Variants in FHIT observed in about 807,000 individuals in gnomAD.
FHIT encodes the protein bis(5'-adenosyl)-triphosphatase.
FHIT carries 19 observed loss-of-function variants against 17.9 expected under a neutral mutation model. The ratio of observed to expected loss-of-function variants is 1.06; its 90% CI spans 0.74 to 1.56. The LOEUF (loss-of-function observed/expected upper bound fraction) is 1.56, where lower values mean the gene tolerates loss of function less well. Among genes scored for constraint, FHIT ranks in the 40% most tolerant of loss-of-function variants. FHIT has a pLI of 0.00. For missense variants in FHIT, 248 were observed against 189.2 expected (o/e 1.31, Z -1.82); for synonymous variants, 81 against 69.7 (o/e 1.16, Z -0.81).
chr3:60,102,184 C>G (rs1233950145), intron 5 of FHIT, among the ~76,000 whole-genome samples: 2 of 152,202 alleles, frequency 1.3e-5, no homozygotes, highest in African/African-American at 4.8e-5. Context: ...GTGAGTTTAA[C>G]TAAATTATAA....
chr3:59,804,685 G>A (rs1372172222), intron 8 of FHIT, among the ~76,000 whole-genome samples: 3 of 152,150 alleles, frequency 2.0e-5, no homozygotes, highest in African/African-American at 7.2e-5. Flanking sequence ...CTATGGAGAG[G>A]ATAGCCCCTG....
At chr3:60,166,322 A>G (rs1195875275) in intron 5 of FHIT, among the ~76,000 whole-genome samples, 4 of 152,292 alleles carry the variant, frequency 2.6e-5, no homozygotes, top group South Asian at 2.1e-4. Context: ...ATTATGGGCC[A>G]ACTATTCCTA....
At chr3:60,789,175 T>TATAGAGAG (rs1433649739) in intron 4 of FHIT, among the ~76,000 whole-genome samples, 51 of 102,684 alleles carry the variant, frequency 5.0e-4, no homozygotes, top group African/African-American at 1.7e-3. Flanking sequence ...TATATATATA[T>TATAGAGAG]AGAGAGAGAG....
intron 2 of FHIT, among the ~76,000 whole-genome samples, chr3:61,113,045 C>A (rs1307040635): frequency 1.3e-5 from 2 of 152,004 alleles, no homozygotes; most frequent in Non-Finnish European, 2.9e-5. Context: ...TCTCTCTTAT[C>A]TGGGCTGGAG....
intron 2 of FHIT, among the ~76,000 whole-genome samples, chr3:61,177,605 T>A (rs1481858240): frequency 6.6e-6 from 1 of 152,220 alleles, no homozygotes; most frequent in Admixed American, 6.5e-5. Flanking sequence ...AACTTTCAGA[T>A]GAATGGGACA....
chr3:59,975,056 T>A (rs1363452968), intron 7 of FHIT, among the ~76,000 whole-genome samples: 2 of 151,950 alleles, frequency 1.3e-5, no homozygotes, highest in Non-Finnish European at 2.9e-5. Context: ...TGGGCCCTCA[T>A]TCCCCTCAAC....
Position 59,857,002 on chromosome 3 carries a change from A to G in FHIT, c.348+65344T>C, listed in dbSNP as rs1702185969. Among the ~76,000 whole-genome samples the G allele has an allele frequency of 1.3e-5, 2 of 152,220 alleles. 1 individual carries two copies. Among genetic ancestry groups the G allele is most frequent in the South Asian group, 4.1e-4 (2 of 4,834 alleles). On this transcript the variant is annotated intron_variant, in intron 8 of 9. Coordinates refer to ENST00000492590, the MANE Select transcript of FHIT (RefSeq NM_002012.4). Reference sequence around the variant, plus strand: ...CTCACCCAAAGTCACATAAGTTGCAAAAAGTCACGCTAATGTAACAATCGC... The same window carrying G: ...CTCACCCAAAGTCACATAAGTTGCAGAAAGTCACGCTAATGTAACAATCGC...
At chr3:60,019,412 C>G (rs1313895647) in intron 5 of FHIT, among the ~76,000 whole-genome samples, 1 of 110,600 alleles carries the variant, frequency 9.0e-6, no homozygotes, top group Non-Finnish European at 1.9e-5. Context: ...AGTTGAGATG[C>G]TCCTTTTTTT....
chr3:59,999,826 T>G (rs1699659299), intron 7 of FHIT, among the ~76,000 whole-genome samples: 1 of 152,100 alleles, frequency 6.6e-6, no homozygotes, highest in South Asian at 2.1e-4. Context: ...CAGGCTGGTC[T>G]TCAACTCCTG....
At chr3:60,984,230 CT>C (rs1710619267) in intron 3 of FHIT, among the ~76,000 whole-genome samples, 1 of 152,172 alleles carries the variant, frequency 6.6e-6, no homozygotes, top group South Asian at 2.1e-4. Flanking sequence ...AAAATGATAC[CT>C]GCCTAATTCA....
chr3:60,259,122 G>T (rs1045337868), intron 5 of FHIT, among the ~76,000 whole-genome samples: 8 of 151,544 alleles, frequency 5.3e-5, no homozygotes, highest in African/African-American at 1.9e-4. Context: ...CATTTAAAAT[G>T]ACTACCAAAG....
intron 3 of FHIT, among the ~76,000 whole-genome samples, chr3:60,829,162 T>C (rs1399285378): frequency 6.6e-6 from 1 of 152,218 alleles, no homozygotes; most frequent in Non-Finnish European, 1.5e-5. Flanking sequence ...TGCCAAACTC[T>C]AGAAACACCA....
chr3:59,816,018 CA>C (rs1003429732), intron 8 of FHIT, among the ~76,000 whole-genome samples: 2 of 152,062 alleles, frequency 1.3e-5, no homozygotes, highest in South Asian at 4.1e-4. Flanking sequence ...TGTCATGAAG[CA>C]AAAAAACCCA....
chr3:60,661,182 T>C (rs2040238856), intron 4 of FHIT, among the ~76,000 whole-genome samples: 1 of 152,138 alleles, frequency 6.6e-6, no homozygotes, highest in East Asian at 1.9e-4. Context: ...GTACCCAATT[T>C]GTCGTCTCTC....
chr3:60,741,909 G>C (rs193230130), intron 4 of FHIT, among the ~76,000 whole-genome samples: 189 of 152,258 alleles, frequency 1.2e-3, no homozygotes, highest in African/African-American at 3.8e-3. Context: ...CAGTGACCTG[G>C]GGGACTTTTG....
intron 5 of FHIT, among the ~76,000 whole-genome samples, chr3:60,378,401 T>C (rs932663017): frequency 1.3e-5 from 2 of 152,206 alleles, no homozygotes; most frequent in South Asian, 2.1e-4. Context: ...TCCTGGTTTT[T>C]CAGGAGGCAC....
intron 4 of FHIT, among the ~76,000 whole-genome samples, chr3:60,749,857 T>C (rs879998980): frequency 5.1e-4 from 77 of 152,302 alleles, no homozygotes; most frequent in Non-Finnish European, 8.4e-4. Flanking sequence ...CAACAAATCT[T>C]AGTTAATACT....
intron 4 of FHIT, among the ~76,000 whole-genome samples, chr3:60,627,764 C>T (rs747889686): frequency 4.6e-5 from 7 of 152,164 alleles, no homozygotes; most frequent in African/African-American, 1.2e-4. Context: ...CCACGTGATC[C>T]GCCCACCTCA....
intron 5 of FHIT, among the ~76,000 whole-genome samples, chr3:60,432,058 C>T (rs1702930025): frequency 6.6e-6 from 1 of 152,054 alleles, no homozygotes; most frequent in Admixed American, 6.6e-5. Context: ...TCACTGCAAC[C>T]TCCGCCTCCC....
Sources: gnomAD v4.1 joint callset for allele counts (sites outside exome capture counted in the v4.1 genomes callset) on GRCh38, gnomAD v4.1.1 for gene constraint, MANE v1.5 for transcripts, NCBI Gene and HGNC (gene_info 2026-07-23, HGNC 2026-07-21) for gene names.